The following RIMS1 variants were observed in gnomAD, a reference collection of about 807,000 sequenced individuals.
The protein encoded by RIMS1 is regulating synaptic membrane exocytosis 1.
In RIMS1, 83 loss-of-function variants were observed where a neutral mutation model predicts 214.1. The ratio of observed to expected loss-of-function variants is 0.39; its 90% CI spans 0.32 to 0.47. The LOEUF (loss-of-function observed/expected upper bound fraction) is 0.47, where lower values mean the gene tolerates loss of function less well. RIMS1 is among the 20% of genes least tolerant of loss of function. The probability of loss-of-function intolerance (pLI) is 0.99; values close to 1 mark genes in which losing one functional copy is unlikely to be tolerated. For synonymous variants in RIMS1, 793 were observed against 786.8 expected (o/e 1.01, Z -0.13); for missense variants, 2,050 against 2,161.8 (o/e 0.95, Z 1.03).
rs889828177 is a variant in RIMS1, at chr6:72,155,167, C to T, written c.472-24408C>T. On this transcript the variant is annotated intron_variant, in intron 4 of 33. Transcript: ENST00000521978. Reference sequence around the variant, plus strand: ...CCAGGCCTGTGATGAGAGGAGCTGCCGTGAAGTCCTCTAACATGCCCTGGA... The same window carrying T: ...CCAGGCCTGTGATGAGAGGAGCTGCTGTGAAGTCCTCTAACATGCCCTGGA... Among the ~76,000 whole-genome samples, 5 of 140,704 alleles carry T rather than the reference C, an allele frequency of 3.6e-5. 1 individual carries two copies. Among genetic ancestry groups the T allele is most frequent in the African/African-American group, 4.9e-5 (2 of 40,632 alleles). 92.3% of individuals were successfully genotyped at this position (140,704 alleles called of 152,430 possible).
intron 19 of RIMS1, chr6:72,261,386 G>T: frequency 1.0e-6 from 1 of 985,842 alleles, no homozygotes. Flanking sequence ...ATAACAGTAT[G>T]AATGCCTCTT....
chr6:72,381,597 G>A (rs1332802784), intron 29 of RIMS1, among the ~76,000 whole-genome samples: 1 of 152,206 alleles, frequency 6.6e-6, no homozygotes, highest in Non-Finnish European at 1.5e-5. Context: ...AGTTTAATAT[G>A]AAGATTATTT....
intron 28 of RIMS1, among the ~76,000 whole-genome samples, chr6:72,328,459 C>A (rs1593700571): frequency 6.6e-6 from 1 of 151,424 alleles, no homozygotes; most frequent in East Asian, 1.9e-4. Context: ...AAAAAGAACT[C>A]CCCCCAAAAA....
chr6:72,151,041 A>G, intron 4 of RIMS1, among the ~76,000 whole-genome samples: 1 of 149,254 alleles, frequency 6.7e-6, no homozygotes, highest in East Asian at 2.0e-4. Context: ...CATATATTCT[A>G]TTTTTTTTTT....
chr6:72,009,406 T>G (rs1332414864), intron 2 of RIMS1, among the ~76,000 whole-genome samples: 5 of 151,916 alleles, frequency 3.3e-5, no homozygotes, highest in African/African-American at 1.2e-4. Flanking sequence ...AACATCACAA[T>G]TAAAAGAGCT....
intron 20 of RIMS1, 82 bp from the exon 21 acceptor site, chr6:72,265,308 T>A: frequency 1.3e-6 from 1 of 783,518 alleles, no homozygotes; most frequent in East Asian, 2.8e-5. Flanking sequence ...TCTAGTTGCT[T>A]TGTCATTTGT....
chr6:72,176,321 A>T (rs1487750612), intron 4 of RIMS1, among the ~76,000 whole-genome samples: 1 of 152,192 alleles, frequency 6.6e-6, no homozygotes, highest in African/African-American at 2.4e-5. Flanking sequence ...ATGACTCCCT[A>T]CAGCACTCTT....
intron 27 of RIMS1, among the ~76,000 whole-genome samples, chr6:72,310,606 T>C (rs2095462012): frequency 6.6e-6 from 1 of 152,050 alleles, no homozygotes; most frequent in Non-Finnish European, 1.5e-5. Flanking sequence ...CTTCTAAAAA[T>C]AGTAGTGTTT....
intron 22 of RIMS1, among the ~76,000 whole-genome samples, chr6:72,271,286 A>AAAATATATATATATATATATATAT (rs1417580438): frequency 2.3e-5 from 1 of 44,416 alleles, no homozygotes; most frequent in Non-Finnish European, 3.7e-5. Flanking sequence ...AAAAAAAAAA[A>AAAATATATATATATATATATATAT]ATATATATAT....
intron 2 of RIMS1, among the ~76,000 whole-genome samples, chr6:72,041,072 G>T (rs1392839820): frequency 6.6e-6 from 1 of 151,852 alleles, no homozygotes; most frequent in Non-Finnish European, 1.5e-5. Flanking sequence ...ACAGATGCTT[G>T]TGTGCTTATA....
At chr6:72,173,405 C>T (rs2047289621) in intron 4 of RIMS1, among the ~76,000 whole-genome samples, 1 of 151,512 alleles carries the variant, frequency 6.6e-6, no homozygotes, top group Admixed American at 6.6e-5. Context: ...TTATTCCCCT[C>T]CATATTTTGT....
At chr6:72,394,206 G>T (rs950453191) in intron 31 of RIMS1, among the ~76,000 whole-genome samples, 2 of 152,088 alleles carry the variant, frequency 1.3e-5, no homozygotes. Context: ...ATACCTAATG[G>T]GTTTGATTTT....
intron 6 of RIMS1, among the ~76,000 whole-genome samples, chr6:72,220,890 A>G (rs913851956): frequency 6.6e-6 from 1 of 152,056 alleles, no homozygotes; most frequent in Non-Finnish European, 1.5e-5. Context: ...TTAGTTATAG[A>G]GATCTCTATG....
intron 2 of RIMS1, among the ~76,000 whole-genome samples, chr6:72,089,189 C>T (rs947442787): frequency 4.6e-5 from 7 of 152,152 alleles, no homozygotes; most frequent in African/African-American, 1.7e-4. Context: ...CATAGACTCT[C>T]CTGCAGCTAG....
chr6:72,277,008 ATTCAAC>A, intron 23 of RIMS1, among the ~76,000 whole-genome samples: 1 of 152,288 alleles, frequency 6.6e-6, no homozygotes, highest in South Asian at 2.1e-4. Context: ...AATTTATACA[ATTCAAC>A]TTTGGATATC....
At chr6:72,187,784 G>A (rs1189805108) in intron 6 of RIMS1, among the ~76,000 whole-genome samples, 1 of 152,192 alleles carries the variant, frequency 6.6e-6, no homozygotes, top group Non-Finnish European at 1.5e-5. Flanking sequence ...GAGCCATCGC[G>A]CCCAGCCCAG....
At chr6:72,312,672 G>C (rs1309946871) in intron 27 of RIMS1, among the ~76,000 whole-genome samples, 6 of 152,050 alleles carry the variant, frequency 3.9e-5, no homozygotes. Context: ...TAAGTTAGTA[G>C]GTTAAATCTG....
At chr6:72,325,890 AC>A (rs1465857105) in intron 28 of RIMS1, among the ~76,000 whole-genome samples, 1 of 151,832 alleles carries the variant, frequency 6.6e-6, no homozygotes, top group Non-Finnish European at 1.5e-5. Context: ...ATTTAATGCC[AC>A]CTTGATTATT....
At chr6:72,159,033 A>G (rs533082408) in intron 4 of RIMS1, among the ~76,000 whole-genome samples, 4 of 140,358 alleles carry the variant, frequency 2.8e-5, no homozygotes, top group African/African-American at 4.9e-5. Context: ...AAGTGTTCCT[A>G]TTTCTCCACA....
Sources: gnomAD v4.1 joint callset for allele counts (sites outside exome capture counted in the v4.1 genomes callset) on GRCh38, gnomAD v4.1.1 for gene constraint, MANE v1.5 for transcripts, NCBI Gene and HGNC (gene_info 2026-07-23, HGNC 2026-07-21) for gene names.